DMD: variants seen among roughly 807,000 people sequenced by gnomAD.
DMD encodes dystrophin, also known as mutant dystrophin.
In DMD, 63 loss-of-function variants were observed where a neutral mutation model predicts 330.1. That is an observed-to-expected ratio of 0.19 (90% CI 0.16 to 0.24). The LOEUF (loss-of-function observed/expected upper bound fraction) is 0.24. DMD is among the 10% of genes least tolerant of loss of function. The pLI, the probability that DMD is intolerant of heterozygous loss-of-function variation, is 1.00. For missense variants in DMD, 3,344 were observed against 2,684.1 expected, an observed-to-expected ratio of 1.25 and a Z score of -5.43; for synonymous variants, 1,223 against 959.8, an observed-to-expected ratio of 1.27 and a Z score of -5.07.
At chrX:32,972,552 A>C (rs1273806099) in intron 2 of DMD, among the ~76,000 whole-genome samples, 2 of 111,968 alleles carry the variant, frequency 1.8e-5, no homozygotes, top group Non-Finnish European at 3.8e-5. Context: ...TGATGAAACA[A>C]TATTTTATTG....
At chrX:31,175,069 C>A (rs990774735) in intron 71 of DMD, among the ~76,000 whole-genome samples, 7 of 111,607 alleles carry the variant, frequency 6.3e-5, no homozygotes, top group African/African-American at 1.9e-4. Context: ...CTGGCATAGC[C>A]CATTATTAGA....
intron 44 of DMD, among the ~76,000 whole-genome samples, chrX:32,084,424 G>A (rs1423341144): frequency 9.0e-6 from 1 of 111,542 alleles, no homozygotes; most frequent in Admixed American, 9.6e-5. Context: ...TCTGCCCAAA[G>A]TGAGGGACAT....
intron 39 of DMD, 100 bp from the exon 40 acceptor site, chrX:32,343,386 G>A: frequency 1.3e-6 from 1 of 777,999 alleles, no homozygotes; most frequent in Non-Finnish European, 1.9e-6. Context: ...TCATCTTTTT[G>A]TACAACTTAG....
At chrX:31,841,315 C>T (rs1569471394) in intron 48 of DMD, among the ~76,000 whole-genome samples, 1 of 111,576 alleles carries the variant, frequency 9.0e-6, no homozygotes, top group Non-Finnish European at 1.9e-5. Flanking sequence ...AGTTGGAAGC[C>T]AGCAGAGGTT....
chrX:33,016,376 G>T (rs1015653987), intron 2 of DMD, among the ~76,000 whole-genome samples: 4 of 111,713 alleles, frequency 3.6e-5, no homozygotes, highest in African/African-American at 1.3e-4. Flanking sequence ...AGCGTAGAAG[G>T]TATATAAGCT....
intron 73 of DMD, among the ~76,000 whole-genome samples, chrX:31,170,586 A>G (rs2039895089): frequency 8.9e-6 from 1 of 111,992 alleles, no homozygotes; most frequent in Non-Finnish European, 1.9e-5. Flanking sequence ...AAGTTGAAAA[A>G]TATCAGAAAT....
chrX:31,926,257 T>C (rs1013841214), intron 47 of DMD, among the ~76,000 whole-genome samples: 1 of 111,759 alleles, frequency 8.9e-6, no homozygotes, highest in Non-Finnish European at 1.9e-5. Context: ...TGAGCCTTCA[T>C]TGCATGAAGC....
chrX:32,196,979 T>C (rs1603628094), intron 44 of DMD, among the ~76,000 whole-genome samples: 1 of 46,387 alleles, frequency 2.2e-5, no homozygotes, highest in Admixed American at 3.9e-4. Context: ...AGAGCGAGAC[T>C]CCATCTCAAA....
intron 1 of DMD, among the ~76,000 whole-genome samples, chrX:33,022,768 T>G (rs965971403): frequency 9.0e-6 from 1 of 111,480 alleles, no homozygotes; most frequent in Non-Finnish European, 1.9e-5. Flanking sequence ...TGACCAGATA[T>G]CTATCATTTA....
At chrX:31,505,963 T>C (rs908063392) in intron 56 of DMD, among the ~76,000 whole-genome samples, 9 of 111,612 alleles carry the variant, frequency 8.1e-5, no homozygotes, top group African/African-American at 2.3e-4. Context: ...TCTTGTATCT[T>C]CCACTTGCTA....
intron 43 of DMD, among the ~76,000 whole-genome samples, chrX:32,220,140 C>G (rs1018807461): frequency 1.7e-4 from 19 of 111,143 alleles, no homozygotes; most frequent in Non-Finnish European, 3.6e-4. Flanking sequence ...GGACTTTCTG[C>G]CCGACCCCTG....
chrX:32,347,001 C>G (rs760987439), intron 38 of DMD, among the ~76,000 whole-genome samples: 3 of 111,295 alleles, frequency 2.7e-5, no homozygotes, highest in Non-Finnish European at 5.7e-5. Context: ...TCAAAAGTCA[C>G]AAGTATTTGT....
At chrX:32,902,310 C>A (rs901577802) in intron 2 of DMD, among the ~76,000 whole-genome samples, 2 of 109,969 alleles carry the variant, frequency 1.8e-5, no homozygotes, top group African/African-American at 6.8e-5. Context: ...ATAGTTCCAG[C>A]AGAAAGCGAG....
At chrX:32,589,260 G>A (rs745912557) in intron 13 of DMD, among the ~76,000 whole-genome samples, 1 of 111,105 alleles carries the variant, frequency 9.0e-6, no homozygotes, top group Admixed American at 9.6e-5. Context: ...ACCAATCGTG[G>A]GCGTAAAATA....
At chrX:32,771,374 G>A (rs906354853) in intron 7 of DMD, among the ~76,000 whole-genome samples, 2 of 111,252 alleles carry the variant, frequency 1.8e-5, no homozygotes, top group African/African-American at 6.6e-5. Flanking sequence ...CACTTAAGGT[G>A]TAACTACTAC....
chrX:31,444,844 G>C (rs1003491250), intron 59 of DMD, among the ~76,000 whole-genome samples: 1 of 110,915 alleles, frequency 9.0e-6, no homozygotes, highest in Admixed American at 9.7e-5. Flanking sequence ...TTAGGAGATG[G>C]GGCCTTTAGG....
chrX:32,963,995 C>T lies in DMD; in HGVS notation c.93+56144G>A, dbSNP rs373851969. On this transcript the variant is annotated intron_variant, in intron 2 of 78. Coordinates refer to ENST00000357033, the MANE Select transcript of DMD (RefSeq NM_004006.3). Reference sequence around the variant, plus strand: ...GGTGGTCGGGTGCGGTGGCTCACGCCTGTAATCCCAGCACTTTGGGAGGCT... The same window carrying T: ...GGTGGTCGGGTGCGGTGGCTCACGCTTGTAATCCCAGCACTTTGGGAGGCT... 3.6e-5 allele frequency among the ~76,000 whole-genome samples: 4 copies of T among 110,868 alleles called. No individual in the cohort carries two copies. In the East Asian group the frequency reaches 1.1e-3, roughly 31 times the overall value.
chrX:32,674,287 G>C lies in DMD; in HGVS notation c.960+23583C>G, dbSNP rs535755390. 2.7e-5 allele frequency among the ~76,000 whole-genome samples: 3 copies of C among 111,554 alleles called. No homozygotes were observed. The South Asian group carries it at 1.1e-3, about 42-fold the overall frequency. ...CATAGTCCACTGGATGGATCATAAA[G>C]ACTAATTGAAAGGGACTGCTAATCA... On this transcript the variant is annotated intron_variant, in intron 9 of 78. Coordinates refer to ENST00000357033, the MANE Select transcript of DMD (RefSeq NM_004006.3).
At chrX:31,372,604 C>T (rs2059654556) in intron 60 of DMD, among the ~76,000 whole-genome samples, 1 of 111,807 alleles carries the variant, frequency 8.9e-6, no homozygotes, top group Non-Finnish European at 1.9e-5. Flanking sequence ...TACAAAAGGC[C>T]TTTGACAAAA....
Sources: allele counts gnomAD v4.1 joint callset (sites outside exome capture counted in the v4.1 genomes callset), GRCh38; gene constraint gnomAD v4.1.1; transcripts MANE v1.5; gene names NCBI Gene and HGNC (gene_info 2026-07-23, HGNC 2026-07-21).